Variants in LDLRAD3 observed in about 807,000 individuals in gnomAD.
LDLRAD3 encodes the protein low density lipoprotein receptor class A domain containing 3, also known as low-density lipoprotein receptor class A domain-containing protein 3.
In LDLRAD3, 20 loss-of-function variants were observed where a neutral mutation model predicts 29.4. That is an observed-to-expected ratio of 0.68 (90% CI 0.48 to 0.99). The LOEUF (loss-of-function observed/expected upper bound fraction) is 0.99, where lower values mean the gene tolerates loss of function less well. LDLRAD3 is among the 50% of genes least tolerant of loss of function. LDLRAD3 has a pLI of 0.00. For missense variants in LDLRAD3, 420 were observed against 454.3 expected, an observed-to-expected ratio of 0.92 and a Z score of 0.69; for synonymous variants, 157 against 192.7, an observed-to-expected ratio of 0.81 and a Z score of 1.53.
chr11:36,151,334 C>T (rs1854275326), intron 4 of LDLRAD3, among the ~76,000 whole-genome samples: 1 of 152,060 alleles, frequency 6.6e-6, no homozygotes. Flanking sequence ...CAGGGGTGCA[C>T]ATCGCAAAAC....
intron 3 of LDLRAD3, among the ~76,000 whole-genome samples, chr11:36,088,439 T>A (rs1199041353): frequency 6.6e-6 from 1 of 152,178 alleles, no homozygotes; most frequent in Non-Finnish European, 1.5e-5. Context: ...TTAGTGTAGT[T>A]GTGCCCAGAA....
chr11:36,106,044 T>G (rs937945789), intron 4 of LDLRAD3, among the ~76,000 whole-genome samples: 17 of 152,278 alleles, frequency 1.1e-4, no homozygotes, highest in Admixed American at 1.1e-3. Context: ...GTGTGGGAAC[T>G]GGACAGTTGC....
chr11:35,950,880 G>A (rs1162056293), intron 1 of LDLRAD3, among the ~76,000 whole-genome samples: 3 of 152,014 alleles, frequency 2.0e-5, no homozygotes, highest in Non-Finnish European at 2.9e-5. Context: ...TCAGAAGATC[G>A]AGACCATCCT....
chr11:36,025,203 TC>T (rs1852147659), intron 1 of LDLRAD3, among the ~76,000 whole-genome samples: 1 of 152,144 alleles, frequency 6.6e-6, no homozygotes, highest in Non-Finnish European at 1.5e-5. Flanking sequence ...GGTAAATGCT[TC>T]CATATGTCTT....
rs931091586 is a variant in LDLRAD3, at chr11:36,017,295, T to C, written c.47-18808T>C. Among the ~76,000 whole-genome samples, 6 of 152,230 alleles carry C rather than the reference T, an allele frequency of 3.9e-5. No individual in the cohort carries two copies. In the East Asian group the frequency reaches 9.6e-4, roughly 24 times the overall value. ...GGTGAAGCTTTCTGGGGCATTTTTC[T>C]GCCAAAGCTTTGGCTAACTTTCTCA... On this transcript the variant is annotated intron_variant, in intron 1 of 5. Transcript: ENST00000315571.
intron 1 of LDLRAD3, among the ~76,000 whole-genome samples, chr11:36,025,931 C>T (rs1408264557): frequency 6.6e-6 from 1 of 151,498 alleles, no homozygotes; most frequent in East Asian, 2.0e-4. Context: ...AGGCATGCAC[C>T]ACCAAGCCCA....
chr11:36,158,573 A>G (rs1166112889), intron 4 of LDLRAD3, among the ~76,000 whole-genome samples: 2 of 148,586 alleles, frequency 1.3e-5, no homozygotes, highest in Non-Finnish European at 3.0e-5. Context: ...TCTCCCAAAC[A>G]ATATACCCTA....
At chr11:36,186,967 C>T (rs552688812) in intron 4 of LDLRAD3, among the ~76,000 whole-genome samples, 3 of 152,268 alleles carry the variant, frequency 2.0e-5, no homozygotes, top group African/African-American at 7.2e-5. Flanking sequence ...CAGGTGGTTG[C>T]CATGGCCCAC....
At chr11:35,988,674 C>A (rs970363078) in intron 1 of LDLRAD3, among the ~76,000 whole-genome samples, 1 of 151,686 alleles carries the variant, frequency 6.6e-6, no homozygotes, top group African/African-American at 2.4e-5. Context: ...ACCTCCACTT[C>A]CTGGGTTCAA....
intron 4 of LDLRAD3, among the ~76,000 whole-genome samples, chr11:36,222,401 C>T (rs560657397): frequency 9.3e-4 from 141 of 152,148 alleles, no homozygotes; most frequent in African/African-American, 3.3e-3. Flanking sequence ...AAAGAATATG[C>T]ACATTTTTAT....
intron 4 of LDLRAD3, among the ~76,000 whole-genome samples, chr11:36,133,161 C>T (rs983805461): frequency 2.6e-5 from 4 of 151,704 alleles, no homozygotes; most frequent in African/African-American, 7.3e-5. Flanking sequence ...GATTCATCTT[C>T]CTTATGGCCT....
intron 1 of LDLRAD3, among the ~76,000 whole-genome samples, chr11:35,959,498 T>C (rs893739772): frequency 2.0e-5 from 3 of 152,246 alleles, no homozygotes; most frequent in Non-Finnish European, 2.9e-5. Flanking sequence ...ATATTTTTAA[T>C]TACTTTAAAT....
chr11:36,179,008 A>T (rs542747869), intron 4 of LDLRAD3, among the ~76,000 whole-genome samples: 1 of 152,300 alleles, frequency 6.6e-6, no homozygotes, highest in East Asian at 1.9e-4. Flanking sequence ...TTAATTGTGA[A>T]CTGCATTGAA....
intron 4 of LDLRAD3, among the ~76,000 whole-genome samples, chr11:36,175,282 C>T (rs548564575): frequency 6.6e-6 from 1 of 151,980 alleles, no homozygotes; most frequent in Non-Finnish European, 1.5e-5. Flanking sequence ...CATTTATCTT[C>T]TGTAATTTTT....
At chr11:36,109,280 G>A (rs1205817645) in intron 4 of LDLRAD3, among the ~76,000 whole-genome samples, 4 of 152,196 alleles carry the variant, frequency 2.6e-5, no homozygotes, top group Middle Eastern at 3.4e-3. Flanking sequence ...GGTGGCCTGC[G>A]TGGACTGGGG....
At chr11:36,085,990 A>G (rs1458158284) in intron 3 of LDLRAD3, among the ~76,000 whole-genome samples, 1 of 152,106 alleles carries the variant, frequency 6.6e-6, no homozygotes, top group Non-Finnish European at 1.5e-5. Flanking sequence ...TCTGTCATCA[A>G]GCTCACTTAC....
chr11:36,227,574 G>A, intron 5 of LDLRAD3, 144 bp downstream of exon 5: 1 of 588,372 alleles, frequency 1.7e-6, no homozygotes. Context: ...CATTTGCCGA[G>A]TCCTCGCAAA....
At chr11:35,962,615 G>C (rs1376457102) in intron 1 of LDLRAD3, among the ~76,000 whole-genome samples, 1 of 152,154 alleles carries the variant, frequency 6.6e-6, no homozygotes. Flanking sequence ...GGACTAAAGA[G>C]CCTCAAAGAT....
chr11:36,008,969 C>A (rs1391027261), intron 1 of LDLRAD3, among the ~76,000 whole-genome samples: 4 of 152,182 alleles, frequency 2.6e-5, no homozygotes, highest in Non-Finnish European at 5.9e-5. Flanking sequence ...TTTTTATTCC[C>A]TTTAATTGAC....
Sources: gnomAD v4.1 joint callset for allele counts (sites outside exome capture counted in the v4.1 genomes callset) on GRCh38, gnomAD v4.1.1 for gene constraint, MANE v1.5 for transcripts, NCBI Gene and HGNC (gene_info 2026-07-23, HGNC 2026-07-21) for gene names.